The following FMO5 variants were observed in gnomAD, a reference collection of about 807,000 sequenced individuals.
FMO5 encodes flavin-containing monooxygenase 5.
FMO5 carries 51 observed loss-of-function variants against 43.6 expected under a neutral mutation model. The observed-to-expected ratio is 1.17, with a 90% CI of 0.93 to 1.48. The LOEUF (loss-of-function observed/expected upper bound fraction) is 1.48, where lower values mean the gene tolerates loss of function less well. Among genes scored for constraint, FMO5 ranks in the 40% most tolerant of loss-of-function variants. The probability of loss-of-function intolerance (pLI) is 0.00; values close to 1 mark genes in which losing one functional copy is unlikely to be tolerated. For synonymous variants in FMO5, 187 were observed against 216.5 expected, an observed-to-expected ratio of 0.86 and a Z score of 1.20; for missense variants, 644 against 643.0, an observed-to-expected ratio of 1.00 and a Z score of -0.02.
chr1:147,189,480 A>G (rs1040188187), intron 8 of FMO5, among the ~76,000 whole-genome samples: 2 of 152,154 alleles, frequency 1.3e-5, no homozygotes, highest in East Asian at 3.8e-4. Flanking sequence ...AAGTTATGCA[A>G]GTATCATCAG....
Position 147,187,031 on chromosome 1 carries a change from TGGTGA to T in FMO5, c.1466_1470del (p.Leu489HisfsTer3). The T allele has an allele frequency of 6.2e-7, 1 of 1,614,124 alleles. No homozygotes were observed. The highest frequency in any genetic ancestry group is 1.1e-5 in the South Asian group (1 of 91,080). Reference sequence around the variant, plus strand: ...AGAGGCTTCCTGATGCGATCATCTGTGGTGAGGATAGCTTTTCGAGCCCCATCCCA... The same window carrying T: ...AGAGGCTTCCTGATGCGATCATCTGTGGATAGCTTTTCGAGCCCCATCCCA... On this transcript the variant is annotated frameshift_variant, in exon 9 of 9. Coordinates refer to ENST00000254090, the MANE Select transcript of FMO5 (RefSeq NM_001461.4). LOFTEE classifies it low-confidence loss of function (END_TRUNC).
At chr1:147,215,963 T>A (rs1553925005) in intron 2 of FMO5, 21 bp from the exon 3 acceptor site, 2 of 1,559,142 alleles carry the variant, frequency 1.3e-6, no homozygotes, top group South Asian at 1.2e-5. Context: ...TAGAAAGTAT[T>A]CATAGCAACT....
chr1:147,207,141 G>A (rs1273640078), intron 6 of FMO5, among the ~76,000 whole-genome samples: 2 of 152,070 alleles, frequency 1.3e-5, no homozygotes, highest in African/African-American at 4.8e-5. Context: ...TGATGGTTAT[G>A]TAGGAGAATG....
At chr1:147,195,314 G>A (rs1553919572) in intron 7 of FMO5, among the ~76,000 whole-genome samples, 1 of 151,352 alleles carries the variant, frequency 6.6e-6, no homozygotes, top group African/African-American at 2.4e-5. Flanking sequence ...TGTAGTTTTA[G>A]TAGAGACGAG....
chr1:147,201,019 T>A (rs782800640), intron 7 of FMO5, 133 bp downstream of exon 7: 114 of 676,192 alleles, frequency 1.7e-4, no homozygotes, highest in Non-Finnish European at 4.8e-5. Context: ...CAAAAATATA[T>A]TTTTCTGTAC....
chr1:147,214,498 A>T (rs1029321192), intron 3 of FMO5, among the ~76,000 whole-genome samples: 1 of 151,466 alleles, frequency 6.6e-6, no homozygotes, highest in African/African-American at 2.4e-5. Flanking sequence ...CCACCCCTGC[A>T]TGCACTAGCA....
At chr1:147,187,635 A>G (rs970517244) in intron 8 of FMO5, among the ~76,000 whole-genome samples, 10 of 152,198 alleles carry the variant, frequency 6.6e-5, no homozygotes, top group Admixed American at 2.0e-4. Flanking sequence ...ATTCTCAAGT[A>G]TGGCATCCTC....
At chr1:147,218,750 T>C (rs1215698420) in intron 2 of FMO5, among the ~76,000 whole-genome samples, 2 of 152,250 alleles carry the variant, frequency 1.3e-5, no homozygotes, top group African/African-American at 4.8e-5. Flanking sequence ...TCTAAGTTAT[T>C]AAATTGTTCC....
chr1:147,185,704 TACAA>T (rs1655558353), downstream of FMO5, among the ~76,000 whole-genome samples: 1 of 152,226 alleles, frequency 6.6e-6, no homozygotes, highest in Admixed American at 6.5e-5. Context: ...GCAATCCAAA[TACAA>T]ACATATTGTA....
intron 6 of FMO5, among the ~76,000 whole-genome samples, chr1:147,207,338 G>T (rs1262454237): frequency 5.9e-5 from 9 of 152,050 alleles, no homozygotes; most frequent in Non-Finnish European, 1.3e-4. Flanking sequence ...AGGATATATG[G>T]GTGCTCATTG....
intron 2 of FMO5, among the ~76,000 whole-genome samples, chr1:147,219,633 T>C (rs1237427688): frequency 6.6e-6 from 1 of 151,546 alleles, no homozygotes; most frequent in African/African-American, 2.4e-5. Flanking sequence ...TCTTAGCTAG[T>C]ACAATAATAG....
At chr1:147,204,873 T>C in intron 6 of FMO5, 2 of 1,592,388 alleles carry the variant, frequency 1.3e-6, no homozygotes, top group South Asian at 1.1e-5. Flanking sequence ...CTGAAAAGTG[T>C]TTCGCTCCCT....
intron 2 of FMO5, chr1:147,223,935 C>A (rs1663525099): frequency 2.7e-5 from 10 of 374,056 alleles, no homozygotes; most frequent in South Asian, 1.9e-4. Flanking sequence ...AAAGGGGATA[C>A]CCCCATCGAG....
chr1:147,225,126 C>A (rs1455599137), intron 1 of FMO5, 60 bp from the exon 2 acceptor site: 4 of 1,587,934 alleles, frequency 2.5e-6, no homozygotes, highest in East Asian at 2.2e-5. Flanking sequence ...TCAAGGAAGA[C>A]CTTGGCCGTG....
At chr1:147,195,002 T>C (rs369761737) in intron 7 of FMO5, among the ~76,000 whole-genome samples, 7,942 of 151,090 alleles carry the variant, frequency 0.053, 240 homozygotes, top group South Asian at 0.097. Flanking sequence ...TTGCTCTTCT[T>C]GAGGAGTATC....
intron 8 of FMO5, among the ~76,000 whole-genome samples, chr1:147,187,620 C>T (rs782114352): frequency 6.6e-6 from 1 of 152,112 alleles, no homozygotes; most frequent in African/African-American, 2.4e-5. Flanking sequence ...AAACCCATCA[C>T]AAAAATTCTC....
downstream of FMO5, chr1:147,184,686 A>G (rs1037402421): frequency 2.4e-5 from 35 of 1,436,782 alleles, no homozygotes; most frequent in African/African-American, 4.9e-4. The surrounding 1 kb of genome is among the most constrained non-coding windows in gnomAD (Gnocchi z 4.4). Flanking sequence ...CCTTCTCATC[A>G]CTTCATCTCA....
At chr1:147,192,888 T>C (rs1475136267) in intron 7 of FMO5, among the ~76,000 whole-genome samples, 5 of 152,188 alleles carry the variant, frequency 3.3e-5, no homozygotes, top group African/African-American at 1.2e-4. Context: ...GATAAGCTTT[T>C]TGATGAGCTG....
In FMO5 at chr1:147,190,208, T is replaced by G; in HGVS notation, c.1225A>C (p.Ile409Leu). ...TCAATTTCCTCTTGAGCTTTAGATA[T>G]TTCTGCCATCATTTCACTCTGTGAG... is the stretch of plus-strand genomic sequence containing the variant. ...LPSQSEMMAE[I>L]SKAQEEIDKR... Residue 409 changes from isoleucine (I) to leucine (L), a missense_variant, in exon 8 of 9, where the codon ATA becomes CTA. Coordinates refer to ENST00000254090, the MANE Select transcript of FMO5 (RefSeq NM_001461.4). 1 of 1,612,118 alleles carries G rather than the reference T, an allele frequency of 6.2e-7. No homozygotes were observed. Among genetic ancestry groups the G allele is most frequent in the East Asian group, 2.2e-5 (1 of 44,752 alleles).
Sources: allele counts gnomAD v4.1 joint callset (sites outside exome capture counted in the v4.1 genomes callset), GRCh38; gene constraint gnomAD v4.1.1; non-coding constraint Gnocchi (gnomAD v3.1); transcripts MANE v1.5; gene names NCBI Gene and HGNC (gene_info 2026-07-23, HGNC 2026-07-21).